The following SNTG2 variants were observed in gnomAD, a reference collection of about 807,000 sequenced individuals.
SNTG2 encodes the protein gamma-2-syntrophin.
Under a neutral mutation model 70.9 loss-of-function variants are expected in SNTG2, and 74 were observed. That is an observed-to-expected ratio of 1.04 (90% CI 0.86 to 1.27). The LOEUF (loss-of-function observed/expected upper bound fraction) is 1.27. SNTG2 is among the 50% of genes most tolerant of loss of function. SNTG2 has a pLI of 0.00. For synonymous variants in SNTG2, 278 were observed against 273.8 expected, an observed-to-expected ratio of 1.02 and a Z score of -0.15; for missense variants, 717 against 690.7, an observed-to-expected ratio of 1.04 and a Z score of -0.43.
chr2:1,038,070 A>G (rs7593584), intron 1 of SNTG2, among the ~76,000 whole-genome samples: 126,289 of 152,200 alleles, frequency 0.83, 53,548 homozygotes, highest in African/African-American at 0.96. Context: ...GGTATATGAA[A>G]GTTCCCTCAC....
At chr2:957,617 C>T (rs1045415890) in intron 1 of SNTG2, among the ~76,000 whole-genome samples, 1 of 152,028 alleles carries the variant, frequency 6.6e-6, no homozygotes, top group African/African-American at 2.4e-5. Flanking sequence ...GACAAGCAGA[C>T]ACGAAACAGC....
intron 16 of SNTG2, among the ~76,000 whole-genome samples, chr2:1,331,165 C>G (rs868006831): frequency 6.6e-6 from 1 of 152,228 alleles, no homozygotes; most frequent in Non-Finnish European, 1.5e-5. Flanking sequence ...CTCTAATCCC[C>G]TAGAGCACCC....
chr2:1,229,554 G>C (rs1003886351), intron 9 of SNTG2, among the ~76,000 whole-genome samples: 1 of 152,232 alleles, frequency 6.6e-6, no homozygotes, highest in Non-Finnish European at 1.5e-5. Flanking sequence ...ATCCGGCACC[G>C]GGGCTGCAGG....
At chr2:1,242,801 T>C (rs1677135230) in intron 11 of SNTG2, 1 of 152,128 alleles carries the variant, frequency 6.6e-6, no homozygotes, top group East Asian at 1.9e-4. Flanking sequence ...TCTTGACTGA[T>C]GGGGTGAAAA....
intron 9 of SNTG2, among the ~76,000 whole-genome samples, chr2:1,232,804 A>C (rs1029515250): frequency 6.6e-6 from 1 of 152,244 alleles, no homozygotes; most frequent in African/African-American, 2.4e-5. Flanking sequence ...AAGATTTTTC[A>C]AATTCTGAAA....
At chr2:1,024,381 GT>G (rs1558319256) in intron 1 of SNTG2, among the ~76,000 whole-genome samples, 1 of 152,132 alleles carries the variant, frequency 6.6e-6, no homozygotes, top group Non-Finnish European at 1.5e-5. Flanking sequence ...TGAAGACTAA[GT>G]TTTTTTAGAC....
intron 4 of SNTG2, among the ~76,000 whole-genome samples, chr2:1,126,196 T>TA (rs1667689704): frequency 6.6e-6 from 1 of 152,146 alleles, no homozygotes; most frequent in Non-Finnish European, 1.5e-5. Flanking sequence ...ACTCCTTAGT[T>TA]CTATGAGACC....
intron 9 of SNTG2, among the ~76,000 whole-genome samples, chr2:1,234,812 C>T (rs1676499215): frequency 6.6e-6 from 1 of 152,184 alleles, no homozygotes; most frequent in African/African-American, 2.4e-5. Context: ...ATTCCTGCTA[C>T]ATCAATGATG....
Position 1,194,583 on chromosome 2 carries a change from C to T in SNTG2, c.592-14520C>T, listed in dbSNP as rs147148631. Among the ~76,000 whole-genome samples the T allele has an allele frequency of 1.8e-3, 274 of 152,098 alleles. 2 individuals carry two copies. Among genetic ancestry groups the T allele is most frequent in the African/African-American group, 6.1e-3 (252 of 41,492 alleles). ...AGATTTCTTAGTGATGTCGTGTTGCCGCCTGCAATAGTTAAATTCTTTCCC... is the reference window on the plus strand; with the variant it reads ...AGATTTCTTAGTGATGTCGTGTTGCTGCCTGCAATAGTTAAATTCTTTCCC... On this transcript the variant is annotated intron_variant, in intron 8 of 16. Transcript: ENST00000308624.
intron 1 of SNTG2, among the ~76,000 whole-genome samples, chr2:1,057,340 G>A (rs1421290876): frequency 1.3e-5 from 2 of 151,996 alleles, no homozygotes; most frequent in Admixed American, 1.3e-4. Flanking sequence ...ATTAGTCAGG[G>A]TTCTCCAGAG....
chr2:1,184,718 A>G (rs968607126), intron 8 of SNTG2, among the ~76,000 whole-genome samples: 1 of 152,146 alleles, frequency 6.6e-6, no homozygotes. Flanking sequence ...ATCTGCCCCC[A>G]CGATTCAATC....
intron 6 of SNTG2, among the ~76,000 whole-genome samples, chr2:1,155,131 C>A (rs1014115765): frequency 6.3e-5 from 9 of 143,550 alleles, no homozygotes; most frequent in African/African-American, 1.4e-4. Flanking sequence ...ACATACAACA[C>A]AAACACACAG....
Position 1,319,272 on chromosome 2 carries a change from C to T in SNTG2, c.1488+2897C>T, listed in dbSNP as rs781613964. 7.9e-5 allele frequency among the ~76,000 whole-genome samples: 12 copies of T among 152,260 alleles called. No individual in the cohort carries two copies. In the East Asian group the frequency reaches 1.7e-3, roughly 22 times the overall value. Reference sequence around the variant, plus strand: ...CATCGTGGGTTGGTGGAAAAGAGAACGCCCCAGGGAGTTACAGAGGCCACA... The same window carrying T: ...CATCGTGGGTTGGTGGAAAAGAGAATGCCCCAGGGAGTTACAGAGGCCACA... On this transcript the variant is annotated intron_variant, in intron 16 of 16. Transcript: ENST00000308624.
intron 16 of SNTG2, among the ~76,000 whole-genome samples, chr2:1,332,970 A>C (rs912165209): frequency 1.3e-5 from 2 of 152,198 alleles, no homozygotes; most frequent in African/African-American, 4.8e-5. Context: ...TCAGACAAGA[A>C]AAACAAATCA....
rs112776919 is a variant in SNTG2, at chr2:1,109,947, C to T, written c.325+11537C>T. Among the ~76,000 whole-genome samples, 302 of 152,290 alleles carry T rather than the reference C, an allele frequency of 2.0e-3. 2 individuals carry two copies. Among genetic ancestry groups the T allele is most frequent in the Admixed American group, 5.1e-3 (78 of 15,298 alleles). On this transcript the variant is annotated intron_variant, in intron 4 of 16. Transcript: ENST00000308624. ...CTCATGTGGAGTATTCATCGTTCAG[C>T]GCCAGGAAGTATCCTGAGCTGAAGG...
At chr2:1,091,486 C>T (rs970697090) in intron 2 of SNTG2, among the ~76,000 whole-genome samples, 19 of 152,184 alleles carry the variant, frequency 1.2e-4, no homozygotes, top group South Asian at 2.1e-4. Flanking sequence ...GATGCCAGGA[C>T]GCAAACATCA....
chr2:1,017,926 C>T (rs1425123202), intron 1 of SNTG2, among the ~76,000 whole-genome samples: 1 of 152,130 alleles, frequency 6.6e-6, no homozygotes, highest in East Asian at 1.9e-4. Context: ...TCATAACTTC[C>T]ATATTTTTCT....
chr2:1,248,752 C>T (rs1677587447), intron 12 of SNTG2, among the ~76,000 whole-genome samples: 1 of 152,110 alleles, frequency 6.6e-6, no homozygotes. Context: ...CCAACCTGGA[C>T]CACGTACCAC....
At chr2:1,086,312 C>T (rs963811110) in intron 2 of SNTG2, among the ~76,000 whole-genome samples, 5 of 152,232 alleles carry the variant, frequency 3.3e-5, no homozygotes, top group African/African-American at 1.2e-4. Flanking sequence ...CTCGCTCTCT[C>T]GCTCTCTCTG....
Sources: allele counts gnomAD v4.1 joint callset (sites outside exome capture counted in the v4.1 genomes callset), GRCh38; gene constraint gnomAD v4.1.1; transcripts MANE v1.5; gene names NCBI Gene and HGNC (gene_info 2026-07-23, HGNC 2026-07-21).